Variants in ANKRD36 observed in about 807,000 individuals in gnomAD.
ANKRD36 encodes ankyrin repeat domain 36, also known as ankyrin repeat domain-containing protein 36A.
ANKRD36 carries 179 observed loss-of-function variants against 278.1 expected under a neutral mutation model. That is an observed-to-expected ratio of 0.64 (90% CI 0.57 to 0.73). The LOEUF (loss-of-function observed/expected upper bound fraction) is 0.73, where lower values mean the gene tolerates loss of function less well. ANKRD36 is among the 30% of genes least tolerant of loss of function. The probability of loss-of-function intolerance (pLI) is 0.00; values close to 1 mark genes in which losing one functional copy is unlikely to be tolerated. For synonymous variants in ANKRD36, 320 were observed against 641.1 expected, an observed-to-expected ratio of 0.50 and a Z score of 7.57; for missense variants, 1,159 against 1,956.7, an observed-to-expected ratio of 0.59 and a Z score of 7.69.
intron 6 of ANKRD36, among the ~76,000 whole-genome samples, chr2:97,127,801 G>A (rs559777370): frequency 3.3e-5 from 5 of 151,926 alleles, no homozygotes; most frequent in East Asian, 1.9e-4. Context: ...TTTCTTGCCC[G>A]CATGCCTTCT....
rs368310184 is a variant in ANKRD36 at position 97,146,133 on chromosome 2, A to G, written c.1004-353A>G. Among the ~76,000 whole-genome samples the G allele has an allele frequency of 2.6e-5, 4 of 151,928 alleles. No homozygotes were observed. The East Asian group carries it at 7.8e-4, about 29-fold the overall frequency. ...ACAGATGTGCACCACCAACCTGGTA[A>G]TTTTTGTGTTTTTACTAGAGTCCGG... On this transcript the variant is annotated intron_variant, in intron 10 of 75. Coordinates refer to ENST00000420699, the MANE Select transcript of ANKRD36 (RefSeq NM_001354587.1).
At chr2:97,198,060 A>C (rs970381729) in intron 42 of ANKRD36, among the ~76,000 whole-genome samples, 27 of 152,010 alleles carry the variant, frequency 1.8e-4, no homozygotes, top group East Asian at 3.9e-4. Context: ...TTGTAGTATA[A>C]TGGTGTAAAT....
intron 28 of ANKRD36, 112 bp from the exon 29 acceptor site, chr2:97,185,204 G>A: frequency 7.0e-7 from 1 of 1,423,226 alleles, no homozygotes. Flanking sequence ...AAAAATCAAA[G>A]CCTATACTAA....
At chr2:97,210,057 TAAG>T (rs1327133815) in intron 56 of ANKRD36, among the ~76,000 whole-genome samples, 185 bp downstream of exon 56, 1 of 151,836 alleles carries the variant, frequency 6.6e-6, no homozygotes, top group African/African-American at 2.4e-5. Context: ...ATCTTCGCTC[TAAG>T]ATTATACCCT....
At chr2:97,172,679 C>T (rs1309911996) in intron 22 of ANKRD36, among the ~76,000 whole-genome samples, 1 of 152,124 alleles carries the variant, frequency 6.6e-6, no homozygotes, top group African/African-American at 2.4e-5. Context: ...CTCTTGGCTC[C>T]CCTTCATGAA....
intron 11 of ANKRD36, among the ~76,000 whole-genome samples, chr2:97,146,814 C>T (rs1317187572): frequency 1.3e-5 from 2 of 151,628 alleles, no homozygotes; most frequent in Non-Finnish European, 2.9e-5. Flanking sequence ...CTTCATTTGC[C>T]CCTAAGCATA....
intron 42 of ANKRD36, among the ~76,000 whole-genome samples, chr2:97,197,259 A>T (rs1450323961): frequency 1.3e-5 from 2 of 151,926 alleles, no homozygotes; most frequent in African/African-American, 4.8e-5. Context: ...TGAGGCAGGA[A>T]GGTGTGAAAA....
chr2:97,113,158 A>T lies in ANKRD36; in HGVS notation c.-582A>T, dbSNP rs545580070. Among the ~76,000 whole-genome samples, 1 of 151,996 alleles carries T rather than the reference A, an allele frequency of 6.6e-6. No homozygotes were observed. Among genetic ancestry groups the T allele is most frequent in the Non-Finnish European group, 1.5e-5 (1 of 67,974 alleles). On this transcript the variant is annotated 5_prime_UTR_variant, in exon 1 of 76. Coordinates refer to ENST00000420699, the MANE Select transcript of ANKRD36 (RefSeq NM_001354587.1). ...CGGGAGCCCCGCCAGCCCCCGCCGG[A>T]GCCCGAGCTGCAGTGCCGCCTACAA...
chr2:97,131,574 C>A (rs2443911), intron 6 of ANKRD36, among the ~76,000 whole-genome samples: 29 of 152,084 alleles, frequency 1.9e-4, no homozygotes, highest in South Asian at 1.0e-3. Context: ...GTTTGGGAGC[C>A]GAAGTGGATA....
At chr2:97,128,578 C>A (rs2039232952) in intron 6 of ANKRD36, among the ~76,000 whole-genome samples, 3 of 152,090 alleles carry the variant, frequency 2.0e-5, no homozygotes, top group South Asian at 4.2e-4. Flanking sequence ...ATATGGGGAA[C>A]AAATCTACCA....
At chr2:97,129,025 A>G (rs2039367758) in intron 6 of ANKRD36, among the ~76,000 whole-genome samples, 1 of 152,106 alleles carries the variant, frequency 6.6e-6, no homozygotes, top group South Asian at 2.1e-4. Context: ...TTCTAGTTCT[A>G]GATCCCTGAG....
chr2:97,240,985 T>TTG (rs2074255523), intron 68 of ANKRD36, among the ~76,000 whole-genome samples: 4 of 21,840 alleles, frequency 1.8e-4, no homozygotes, highest in Admixed American at 1.6e-3. Context: ...TAACTATGTT[T>TTG]TTTTTTTTTT....
At chr2:97,162,404 T>C (rs2049145953) in intron 18 of ANKRD36, among the ~76,000 whole-genome samples, 1 of 150,180 alleles carries the variant, frequency 6.7e-6, no homozygotes, top group African/African-American at 2.4e-5. Context: ...ATAGTAAATA[T>C]AATTTAATTT....
chr2:97,177,238 A>C (rs1440707080), intron 22 of ANKRD36, among the ~76,000 whole-genome samples: 3 of 151,954 alleles, frequency 2.0e-5, no homozygotes, highest in Admixed American at 2.0e-4. Context: ...ATATCGTGAA[A>C]ATGGCCATAC....
intron 6 of ANKRD36, among the ~76,000 whole-genome samples, chr2:97,138,415 C>T (rs1373267877): frequency 6.6e-6 from 1 of 152,004 alleles, no homozygotes; most frequent in Non-Finnish European, 1.5e-5. Flanking sequence ...GAACTACAAA[C>T]CACCACTCAA....
At chr2:97,191,799 T>A (rs1018105273) in intron 36 of ANKRD36, among the ~76,000 whole-genome samples, 2 of 151,678 alleles carry the variant, frequency 1.3e-5, no homozygotes, top group Non-Finnish European at 2.9e-5. Context: ...TGGGAAACAA[T>A]GCTAGAATTG....
At chr2:97,220,749 A>ATTTTTTTTTTTTTTTTTTTTTTTTTTTT (rs1558889083) in intron 66 of ANKRD36, among the ~76,000 whole-genome samples, 2 of 86,898 alleles carry the variant, frequency 2.3e-5, no homozygotes, top group Admixed American at 1.1e-4. Context: ...TTTTTTTTTA[A>ATTTTTTTTTTTTTTTTTTTTTTTTTTTT]TTTTTAATTT....
At chr2:97,118,226 A>G (rs1235990098) in intron 2 of ANKRD36, 48 bp downstream of exon 2, 7 of 1,576,924 alleles carry the variant, frequency 4.4e-6, no homozygotes, top group Non-Finnish European at 6.0e-6. Context: ...TGGTTGAAGT[A>G]CATAGGATAA....
At chr2:97,177,255 AGG>A (rs2054545216) in intron 22 of ANKRD36, among the ~76,000 whole-genome samples, 1 of 151,954 alleles carries the variant, frequency 6.6e-6, no homozygotes, top group Non-Finnish European at 1.5e-5. Flanking sequence ...ATACTGCCCA[AGG>A]TAATTTACAG....
Sources: allele counts gnomAD v4.1 joint callset (sites outside exome capture counted in the v4.1 genomes callset), GRCh38; gene constraint gnomAD v4.1.1; transcripts MANE v1.5; gene names NCBI Gene and HGNC (gene_info 2026-07-23, HGNC 2026-07-21).